TCERG1: variants seen among roughly 807,000 people sequenced by gnomAD.
TCERG1 encodes the protein transcription elongation regulator 1.
In TCERG1, 37 loss-of-function variants were observed where a neutral mutation model predicts 144.7. That is an observed-to-expected ratio of 0.26 (90% CI 0.20 to 0.34). The LOEUF is 0.34. Among genes scored for constraint, TCERG1 ranks in the 10% least tolerant of loss-of-function variants. TCERG1 has a pLI of 1.00. For synonymous variants in TCERG1, 492 were observed against 458.2 expected (o/e 1.07, Z -0.94); for missense variants, 1,027 against 1,380.7 (o/e 0.74, Z 4.06).
rs768690486 is a variant in TCERG1 at position 146,482,588 on chromosome 5, A to G, written c.1938-4A>G. On this transcript the variant is annotated splice_region_variant and splice_polypyrimidine_tract_variant and intron_variant, in intron 13 of 22. Transcript: ENST00000679501. ...GTTGATGTCTTATATTTTATTTTTTATAGGAGAGACGATAATAAAGACATT... is the reference window on the plus strand; with the variant it reads ...GTTGATGTCTTATATTTTATTTTTTGTAGGAGAGACGATAATAAAGACATT... 2.5e-6 allele frequency: 4 copies of G among 1,601,640 alleles called. No individual in the cohort carries two copies. Among genetic ancestry groups the G allele is most frequent in the Admixed American group, 1.7e-5 (1 of 57,554 alleles).
intron 1 of TCERG1, among the ~76,000 whole-genome samples, chr5:146,449,141 G>A (rs1326106202): frequency 6.6e-6 from 1 of 152,074 alleles, no homozygotes; most frequent in Admixed American, 6.5e-5. Context: ...CAGAAGTTGG[G>A]GCTTAATTTT....
At chr5:146,489,670 C>G (rs1157287883) in intron 15 of TCERG1, among the ~76,000 whole-genome samples, 2 of 152,158 alleles carry the variant, frequency 1.3e-5, no homozygotes, top group Non-Finnish European at 2.9e-5. Flanking sequence ...ACATTCCAAG[C>G]ACTCCAGAGC....
intron 15 of TCERG1, among the ~76,000 whole-genome samples, chr5:146,486,577 C>CT (rs1298875807): frequency 6.6e-6 from 1 of 152,164 alleles, no homozygotes; most frequent in African/African-American, 2.4e-5. Flanking sequence ...AGCTTTTCCT[C>CT]TAAGAACTGG....
intron 19 of TCERG1, chr5:146,504,480 CT>C (rs1444863775): frequency 6.6e-6 from 1 of 152,482 alleles, no homozygotes; most frequent in Non-Finnish European, 1.5e-5. Flanking sequence ...TCCCTTACCC[CT>C]CAGAGTTGTT....
intron 5 of TCERG1, among the ~76,000 whole-genome samples, chr5:146,466,768 C>A (rs1011517357): frequency 2.9e-4 from 44 of 152,152 alleles, no homozygotes; most frequent in Non-Finnish European, 2.8e-4. Flanking sequence ...GCGAGCCCAA[C>A]TGATTTTTAA....
chr5:146,493,099 T>TA, intron 16 of TCERG1, 61 bp downstream of exon 16: 1 of 1,207,168 alleles, frequency 8.3e-7, no homozygotes, highest in Non-Finnish European at 1.1e-6. Flanking sequence ...GATCAGTTTT[T>TA]AAAAATTAAA....
intron 17 of TCERG1, chr5:146,499,505 C>G (rs542432462): frequency 2.6e-4 from 39 of 152,112 alleles, no homozygotes; most frequent in African/African-American, 8.9e-4. Flanking sequence ...CCTAATTATC[C>G]GATTTATTGG....
chr5:146,492,039 G>T (rs1308495559), intron 15 of TCERG1, among the ~76,000 whole-genome samples: 1 of 152,158 alleles, frequency 6.6e-6, no homozygotes, highest in Non-Finnish European at 1.5e-5. Flanking sequence ...ATTTGCTTTG[G>T]AATAGTCACT....
chr5:146,494,539 G>C (rs1210149730), intron 16 of TCERG1, among the ~76,000 whole-genome samples: 1 of 152,090 alleles, frequency 6.6e-6, no homozygotes, highest in East Asian at 1.9e-4. Flanking sequence ...AAAATGAAAC[G>C]ATCAGGCACT....
chr5:146,451,618 G>A (rs78546688), intron 1 of TCERG1, among the ~76,000 whole-genome samples: 1,673 of 150,808 alleles, frequency 0.011, 25 homozygotes, highest in African/African-American at 0.039. Context: ...CCACCGGGGG[G>A]CGTCCGGCCC....
chr5:146,455,977 A>G (rs188271162), intron 2 of TCERG1, among the ~76,000 whole-genome samples: 1 of 152,336 alleles, frequency 6.6e-6, no homozygotes, highest in East Asian at 1.9e-4. Context: ...GTATGTATCT[A>G]TGTTTTCTTA....
At chr5:146,490,088 G>A (rs1766247614) in intron 15 of TCERG1, among the ~76,000 whole-genome samples, 1 of 152,188 alleles carries the variant, frequency 6.6e-6, no homozygotes, top group South Asian at 2.1e-4. Context: ...TGAGAAGGGA[G>A]TTGGAAACAA....
chr5:146,460,995 G>A (rs1315373263), intron 4 of TCERG1, among the ~76,000 whole-genome samples: 2 of 152,144 alleles, frequency 1.3e-5, no homozygotes, highest in African/African-American at 2.4e-5. Context: ...TTATGTGGAG[G>A]CTCTGTGTTG....
At chr5:146,470,881 C>G (rs1328431875) in intron 8 of TCERG1, 133 bp downstream of exon 8, 2 of 622,728 alleles carry the variant, frequency 3.2e-6, no homozygotes, top group Non-Finnish European at 5.0e-6. Flanking sequence ...AGGATTCTTG[C>G]AAGTTCTTAA....
intron 17 of TCERG1, 77 bp from the exon 18 acceptor site, chr5:146,503,298 G>T: frequency 2.1e-6 from 3 of 1,408,280 alleles, no homozygotes; most frequent in African/African-American, 1.4e-5. Flanking sequence ...TTTTCTAGTT[G>T]TAAATATTTA....
At chr5:146,497,738 G>A (rs997591858) in intron 16 of TCERG1, among the ~76,000 whole-genome samples, 5 of 152,158 alleles carry the variant, frequency 3.3e-5, no homozygotes, top group African/African-American at 1.2e-4. Flanking sequence ...AGTGTAATAT[G>A]TTTCTTTTAG....
At position 146,492,893 on chromosome 5, in the gene TCERG1, T is replaced by G. The variant is rs1341261686; in HGVS notation, c.2164-27T>G. ...AAATTACCTATATGAAAGATTGACT[T>G]GTCAAATTTGTTGATTTTTATAATA... On this transcript the variant is annotated intron_variant, in intron 15 of 22. Coordinates refer to ENST00000679501, the MANE Select transcript of TCERG1 (RefSeq NM_001382548.1). 5 of 1,527,792 alleles carry G rather than the reference T, an allele frequency of 3.3e-6. No homozygotes were observed. In the South Asian group the frequency reaches 5.8e-5, roughly 18 times the overall value. The allele number at this position is 1,527,792 out of a possible 1,614,324, so 94.6% of individuals were successfully genotyped here.
intron 6 of TCERG1, among the ~76,000 whole-genome samples, chr5:146,468,933 T>G (rs757673526): frequency 1.2e-4 from 18 of 152,184 alleles, no homozygotes; most frequent in Middle Eastern, 3.4e-3. Context: ...AGTATTTTAT[T>G]TATATATTAC....
intron 1 of TCERG1, among the ~76,000 whole-genome samples, chr5:146,453,773 A>G (rs1039743085): frequency 7.2e-6 from 1 of 139,062 alleles, no homozygotes; most frequent in Non-Finnish European, 1.6e-5. Flanking sequence ...CCCTGTCTCT[A>G]AAAAAAAAAA....
Sources: gnomAD v4.1 joint callset for allele counts (sites outside exome capture counted in the v4.1 genomes callset) on GRCh38, gnomAD v4.1.1 for gene constraint, MANE v1.5 for transcripts, NCBI Gene and HGNC (gene_info 2026-07-23, HGNC 2026-07-21) for gene names.